The following MAPRE2 variants were observed in gnomAD, a reference collection of about 807,000 sequenced individuals.
MAPRE2 encodes the protein microtubule-associated protein RP/EB family member 2.
MAPRE2 carries 13 observed loss-of-function variants against 43.2 expected under a neutral mutation model. That is an observed-to-expected ratio of 0.30 (90% CI 0.20 to 0.48). The LOEUF is 0.48. Among genes scored for constraint, MAPRE2 ranks in the 20% least tolerant of loss-of-function variants. The pLI is 0.99. For missense variants in MAPRE2, 161 were observed against 400.2 expected (o/e 0.40, Z 5.10); for synonymous variants, 135 against 148.8 (o/e 0.91, Z 0.68).
chr18:34,991,963 G>A (rs1448928440), intron 1 of MAPRE2, among the ~76,000 whole-genome samples: 1 of 152,016 alleles, frequency 6.6e-6, no homozygotes, highest in Admixed American at 6.6e-5. Context: ...GTGTTTTAAG[G>A]GTTGCTATTG....
chr18:35,085,038 CTAATT>C (rs1907805056), intron 2 of MAPRE2, among the ~76,000 whole-genome samples: 1 of 152,192 alleles, frequency 6.6e-6, no homozygotes, highest in Non-Finnish European at 1.5e-5. Flanking sequence ...AAAGCTACTA[CTAATT>C]TAATCAGATT....
rs59600786 is a variant in MAPRE2, at chr18:35,121,890, C to CAT, written c.611-5056_611-5055dup. 6.5e-3 allele frequency among the ~76,000 whole-genome samples: 993 copies of CAT among 152,268 alleles called. 14 individuals are homozygous for CAT. Among genetic ancestry groups the CAT allele is most frequent in the African/African-American group, 0.023 (946 of 41,540 alleles). ...AGATTGGAATACAGATGGTAGCTCACATAAAAGTATTCTATCAATGTTAAG... is the reference window on the plus strand; with the variant it reads ...AGATTGGAATACAGATGGTAGCTCACATATAAAAGTATTCTATCAATGTTAAG... On this transcript the variant is annotated intron_variant, in intron 4 of 6. Transcript: ENST00000300249.
rs9953969 is a variant in MAPRE2, at chr18:35,004,241, C to A, written c.-69-1251C>A. Among the ~76,000 whole-genome samples, 1,127 of 152,246 alleles carry A rather than the reference C, an allele frequency of 7.4e-3. 10 individuals carry two copies. Among genetic ancestry groups the A allele is most frequent in the African/African-American group, 0.025 (1,028 of 41,526 alleles). On this transcript the variant is annotated intron_variant, in intron 1 of 7. Coordinates refer to the MAPRE2 transcript ENST00000413393. ...TAATTCTACCAGCAACATCTCCAGA[C>A]CTGTGTCTCGGAATAATCACATCAT...
At chr18:35,124,636 G>A (rs1390120695) in intron 4 of MAPRE2, among the ~76,000 whole-genome samples, 2 of 152,182 alleles carry the variant, frequency 1.3e-5, no homozygotes, top group African/African-American at 2.4e-5. Context: ...TGTGTGTAAG[G>A]GGTGTTGATC....
chr18:35,079,912 G>A (rs572414091), intron 2 of MAPRE2, among the ~76,000 whole-genome samples: 1 of 152,366 alleles, frequency 6.6e-6, no homozygotes, highest in East Asian at 1.9e-4. Flanking sequence ...TTTTGTGCAT[G>A]TACATTGCAT....
chr18:35,093,211 C>CAAA (rs56833433), intron 2 of MAPRE2, among the ~76,000 whole-genome samples: 8 of 52,264 alleles, frequency 1.5e-4, no homozygotes, highest in Middle Eastern at 0.018. Context: ...GACCCTGTCT[C>CAAA]AAAAAAAAAA....
intron 1 of MAPRE2, chr18:34,978,440 C>T: frequency 2.9e-6 from 4 of 1,357,822 alleles, no homozygotes; most frequent in Admixed American, 3.9e-5. Flanking sequence ...AGACCGGTTG[C>T]GATTGTGGTC....
intron 2 of MAPRE2, among the ~76,000 whole-genome samples, chr18:35,089,560 CTAAGT>C (rs1908041640): frequency 1.3e-5 from 2 of 152,140 alleles, no homozygotes. Context: ...AAAAGATGCT[CTAAGT>C]CATTAGTCAT....
intron 1 of MAPRE2, among the ~76,000 whole-genome samples, chr18:35,058,835 A>G (rs569811873): frequency 6.6e-6 from 1 of 152,290 alleles, no homozygotes; most frequent in East Asian, 1.9e-4. Context: ...ACTTGGAATT[A>G]TTTTTTCTTC....
intron 3 of MAPRE2, among the ~76,000 whole-genome samples, chr18:35,098,210 AGT>A (rs1908515361): frequency 6.6e-6 from 1 of 152,192 alleles, no homozygotes; most frequent in South Asian, 2.1e-4. Flanking sequence ...TTGCTAAAAC[AGT>A]CTCTTTCTGC....
chr18:35,033,564 A>G (rs887455607), intron 2 of MAPRE2, among the ~76,000 whole-genome samples: 26 of 151,894 alleles, frequency 1.7e-4, no homozygotes, highest in African/African-American at 6.3e-4. Context: ...GAAAAGAGGA[A>G]GTCAAATTGT....
intron 4 of MAPRE2, among the ~76,000 whole-genome samples, chr18:35,103,972 A>G (rs553764835): frequency 9.8e-4 from 150 of 152,312 alleles, no homozygotes; most frequent in African/African-American, 3.5e-3. Context: ...GGGTGAGCCT[A>G]TATAGAATAA....
chr18:35,129,059 G>C (rs1469392104), intron 5 of MAPRE2, among the ~76,000 whole-genome samples: 2 of 152,294 alleles, frequency 1.3e-5, no homozygotes, highest in East Asian at 3.9e-4. Context: ...GAATAGGCCA[G>C]TGCCGCCTTC....
At chr18:35,091,340 T>C (rs1408306074) in intron 2 of MAPRE2, among the ~76,000 whole-genome samples, 1 of 152,204 alleles carries the variant, frequency 6.6e-6, no homozygotes, top group Non-Finnish European at 1.5e-5. Flanking sequence ...ATATGAAGCA[T>C]AAACGATTTT....
At chr18:35,102,707 G>C (rs1310787079) in intron 4 of MAPRE2, among the ~76,000 whole-genome samples, 1 of 151,952 alleles carries the variant, frequency 6.6e-6, no homozygotes, top group Non-Finnish European at 1.5e-5. Context: ...AAAAATATCT[G>C]GAACATTAAA....
intron 4 of MAPRE2, among the ~76,000 whole-genome samples, chr18:35,111,648 A>G (rs1909180176): frequency 6.6e-6 from 1 of 152,254 alleles, no homozygotes; most frequent in African/African-American, 2.4e-5. Flanking sequence ...GGGATCTTCA[A>G]GGGGATCTAA....
intron 1 of MAPRE2, among the ~76,000 whole-genome samples, chr18:35,042,475 T>C (rs1351269701): frequency 6.6e-6 from 1 of 152,194 alleles, no homozygotes; most frequent in African/African-American, 2.4e-5. Context: ...ACGGTTGGCA[T>C]CATTTTTACA....
chr18:35,039,870 C>T (rs1326714845), upstream of MAPRE2, among the ~76,000 whole-genome samples: 1 of 152,182 alleles, frequency 6.6e-6, no homozygotes, highest in Non-Finnish European at 1.5e-5. Flanking sequence ...CTTCCCTTTT[C>T]ACCCTATAAA....
At chr18:35,068,969 T>C (rs1482818086) in intron 1 of MAPRE2, among the ~76,000 whole-genome samples, 5 of 152,224 alleles carry the variant, frequency 3.3e-5, no homozygotes, top group African/African-American at 1.2e-4. Context: ...AGTGTATTGA[T>C]GGAGGATTAG....
Sources: gnomAD v4.1 joint callset for allele counts (sites outside exome capture counted in the v4.1 genomes callset) on GRCh38, gnomAD v4.1.1 for gene constraint, MANE v1.5 for transcripts, NCBI Gene and HGNC (gene_info 2026-07-23, HGNC 2026-07-21) for gene names.